The following SYT14 variants were observed in gnomAD, a reference collection of about 807,000 sequenced individuals.
The protein encoded by SYT14 is synaptotagmin 14, also known as synaptotagmin-14.
SYT14 carries 32 observed loss-of-function variants against 74.2 expected under a neutral mutation model. That is an observed-to-expected ratio of 0.43 (90% CI 0.33 to 0.58). The LOEUF is 0.58. Among genes scored for constraint, SYT14 ranks in the 20% least tolerant of loss-of-function variants. The pLI is 0.05. For synonymous variants in SYT14, 298 were observed against 337.7 expected, an observed-to-expected ratio of 0.88 and a Z score of 1.29; for missense variants, 791 against 981.8, an observed-to-expected ratio of 0.81 and a Z score of 2.60.
intron 7 of SYT14, among the ~76,000 whole-genome samples, chr1:210,108,965 T>C (rs1486232725): frequency 1.3e-5 from 2 of 151,928 alleles, no homozygotes; most frequent in East Asian, 3.9e-4. Flanking sequence ...GCATCTGAGA[T>C]AGAGTAAAAG....
At chr1:210,162,043 G>C (rs1328742926) in exon 10 of SYT14, 1 of 447,636 alleles carries the variant, frequency 2.2e-6, no homozygotes, top group Admixed American at 2.4e-5. Flanking sequence ...TTCAAAATAA[G>C]AAACTGTTCT....
At chr1:210,109,039 C>T (rs768319015) in intron 7 of SYT14, among the ~76,000 whole-genome samples, 2 of 151,892 alleles carry the variant, frequency 1.3e-5, no homozygotes, top group African/African-American at 2.4e-5. Flanking sequence ...TGAGTGGACA[C>T]TGAAGTTACA....
At position 209,954,987 on chromosome 1, in the gene SYT14, T is replaced by C. The variant is rs116752621; in HGVS notation, c.-486+2231T>C. Among the ~76,000 whole-genome samples the C allele has an allele frequency of 5.7e-3, 863 of 152,292 alleles. 12 individuals are homozygous for C. Among genetic ancestry groups the C allele is most frequent in the African/African-American group, 0.02 (816 of 41,558 alleles). On this transcript the variant is annotated intron_variant, in intron 2 of 9. Transcript: ENST00000637265. ...TCCCCAAATTCTGGGATTACCACCA[T>C]GAGCCACCGCACTCGGCTAGACATC... is the stretch of plus-strand genomic sequence containing the variant.
At chr1:210,139,706 C>T (rs1196314811) in intron 7 of SYT14, among the ~76,000 whole-genome samples, 2 of 152,144 alleles carry the variant, frequency 1.3e-5, no homozygotes, top group Admixed American at 6.6e-5. Flanking sequence ...CTCTTCTGCA[C>T]ATTTTATATG....
intron 2 of SYT14, among the ~76,000 whole-genome samples, chr1:210,003,437 T>G (rs1005654748): frequency 3.9e-5 from 6 of 152,202 alleles, no homozygotes; most frequent in African/African-American, 7.2e-5. Flanking sequence ...GTGTCCTGAT[T>G]TCACATTCTG....
chr1:209,964,296 C>T lies in SYT14; in HGVS notation c.-486+11540C>T, dbSNP rs546447186. Among the ~76,000 whole-genome samples, 184 of 152,274 alleles carry T rather than the reference C, an allele frequency of 1.2e-3. 1 individual carries two copies. The highest frequency in any genetic ancestry group is 3.9e-3 in the African/African-American group (163 of 41,566). ...TTAAGTTTCCTGAGGCCTTCCCAGC[C>T]GTGTAGAACTGTGAGTCAATTAAAC... On this transcript the variant is annotated intron_variant, in intron 2 of 9. Coordinates refer to ENST00000637265, the Ensembl canonical transcript of SYT14.
At chr1:209,973,709 C>T (rs546019628) in intron 2 of SYT14, among the ~76,000 whole-genome samples, 1 of 152,266 alleles carries the variant, frequency 6.6e-6, no homozygotes, top group Non-Finnish European at 1.5e-5. Flanking sequence ...GATTTATAAT[C>T]CTTTGGGTAT....
chr1:210,146,933 A>G (rs1397837361), intron 7 of SYT14, among the ~76,000 whole-genome samples: 6 of 151,844 alleles, frequency 4.0e-5, no homozygotes, highest in South Asian at 2.1e-4. Flanking sequence ...AAGAAATCCT[A>G]TTTTGTTCAG....
chr1:210,079,297 A>G (rs1338946861), intron 5 of SYT14, among the ~76,000 whole-genome samples: 4 of 152,226 alleles, frequency 2.6e-5, no homozygotes, highest in African/African-American at 9.6e-5. Context: ...TAGAAGCCCA[A>G]ACCTCACCAT....
At chr1:210,055,807 A>G (rs1009712106) in intron 5 of SYT14, among the ~76,000 whole-genome samples, 1 of 152,056 alleles carries the variant, frequency 6.6e-6, no homozygotes, top group African/African-American at 2.4e-5. Context: ...TGTCTCCCAT[A>G]TAAAAAGTTA....
At chr1:210,093,248 A>C (rs2081908798) in intron 5 of SYT14, among the ~76,000 whole-genome samples, 1 of 151,854 alleles carries the variant, frequency 6.6e-6, no homozygotes, top group Admixed American at 6.6e-5. Context: ...GTAACTTTTT[A>C]TCTTAGGAAG....
At chr1:209,963,101 A>G (rs868742577) in intron 2 of SYT14, among the ~76,000 whole-genome samples, 2 of 152,338 alleles carry the variant, frequency 1.3e-5, no homozygotes, top group African/African-American at 4.8e-5. Context: ...ACCGGAACAG[A>G]AAGACTAGAA....
chr1:209,999,710 T>C (rs1039511912), intron 2 of SYT14, among the ~76,000 whole-genome samples: 16 of 152,134 alleles, frequency 1.1e-4, no homozygotes, highest in African/African-American at 3.9e-4. Flanking sequence ...GTGGATCTCA[T>C]AGAGGTAGAG....
Position 209,963,979 on chromosome 1 carries a change from A to G in SYT14, c.-486+11223A>G, listed in dbSNP as rs192598653. On this transcript the variant is annotated intron_variant, in intron 2 of 9. Coordinates refer to ENST00000637265, the Ensembl canonical transcript of SYT14. The stretch of plus-strand genomic sequence containing the variant: ...AATTCATTTTCCCTGACAATTTGCA[A>G]TACTACTGTTTTCATATGCTAAGTT... 6.2e-4 allele frequency among the ~76,000 whole-genome samples: 95 copies of G among 152,292 alleles called. 3 individuals carry two copies. The highest frequency in any genetic ancestry group is 5.6e-3 in the Admixed American group (85 of 15,302).
intron 2 of SYT14, among the ~76,000 whole-genome samples, chr1:210,002,099 G>A (rs2102882108): frequency 6.6e-6 from 1 of 152,234 alleles, no homozygotes; most frequent in South Asian, 2.1e-4. Context: ...GATTCACCAG[G>A]TATCACCATA....
chr1:210,170,778 C>A (rs1009613276), exon 10 of SYT14: 2 of 152,064 alleles, frequency 1.3e-5, no homozygotes, highest in South Asian at 4.1e-4. Context: ...TTATTTAGAT[C>A]TTGGGTTTGA....
intron 2 of SYT14, among the ~76,000 whole-genome samples, chr1:209,994,764 G>A (rs980290478): frequency 2.6e-5 from 4 of 152,146 alleles, no homozygotes; most frequent in African/African-American, 4.8e-5. Context: ...CATACAGAGG[G>A]AACCTCATTA....
intron 2 of SYT14, among the ~76,000 whole-genome samples, chr1:209,978,143 G>A (rs2079404255): frequency 1.3e-5 from 2 of 151,862 alleles, no homozygotes; most frequent in South Asian, 4.2e-4. Flanking sequence ...CTTTGCCATG[G>A]GTTCAAACTT....
At chr1:210,011,997 A>G (rs2080093997) in intron 2 of SYT14, among the ~76,000 whole-genome samples, 1 of 152,220 alleles carries the variant, frequency 6.6e-6, no homozygotes, top group African/African-American at 2.4e-5. Context: ...CTTGCTGTAT[A>G]AAACCTCTCT....
Sources: gnomAD v4.1 joint callset for allele counts (sites outside exome capture counted in the v4.1 genomes callset) on GRCh38, gnomAD v4.1.1 for gene constraint, MANE v1.5 for transcripts, NCBI Gene and HGNC (gene_info 2026-07-23, HGNC 2026-07-21) for gene names.